MYO3A: variants seen among roughly 807,000 people sequenced by gnomAD.
MYO3A encodes myosin IIIA.
In MYO3A, 180 loss-of-function variants were observed where a neutral mutation model predicts 192.7. The ratio of observed to expected loss-of-function variants is 0.93; its 90% confidence interval spans 0.83 to 1.06. MYO3A has a LOEUF of 1.06. MYO3A is among the 50% of genes least tolerant of loss of function. MYO3A has a pLI of 0.00. For missense variants in MYO3A, 1,896 were observed against 1,905.0 expected, an observed-to-expected ratio of 1.00 and a Z score of 0.09; for synonymous variants, 628 against 645.3, an observed-to-expected ratio of 0.97 and a Z score of 0.41.
At chr10:25,944,377 G>T (rs557038001) in intron 2 of MYO3A, among the ~76,000 whole-genome samples, 1 of 152,082 alleles carries the variant, frequency 6.6e-6, no homozygotes, top group Non-Finnish European at 1.5e-5. Flanking sequence ...TAGTGCCATT[G>T]TCTGGTTTTG....
intron 2 of MYO3A, among the ~76,000 whole-genome samples, chr10:25,941,310 G>T (rs1836470377): frequency 6.6e-6 from 1 of 152,192 alleles, no homozygotes; most frequent in African/African-American, 2.4e-5. Context: ...AACTGATGGA[G>T]ACATCACCAT....
chr10:26,083,533 A>G (rs1180637890), intron 14 of MYO3A, among the ~76,000 whole-genome samples: 2 of 152,132 alleles, frequency 1.3e-5, no homozygotes, highest in Non-Finnish European at 2.9e-5. Flanking sequence ...ACTATGTTGA[A>G]TGGAAGTGAA....
intron 4 of MYO3A, among the ~76,000 whole-genome samples, chr10:25,991,798 G>C (rs10828925): frequency 1.3e-5 from 2 of 151,014 alleles, no homozygotes; most frequent in Non-Finnish European, 3.0e-5. Flanking sequence ...TGTTTTTGTC[G>C]GGTTTGTCAA....
In MYO3A at chr10:26,117,915, C is replaced by T. The variant is rs181781733; in HGVS notation, c.1777-2761C>T. Among the ~76,000 whole-genome samples, 13 of 152,238 alleles carry T rather than the reference C, an allele frequency of 8.5e-5. No homozygotes were observed. In the East Asian group the frequency reaches 1.9e-3, roughly 23 times the overall value. The stretch of plus-strand genomic sequence containing the variant: ...TGTCTTTAGGTCTTTGAGGAATTGC[C>T]GCACTGTCTTCAACAATGGTTGAAC... On this transcript the variant is annotated intron_variant, in intron 17 of 34. Transcript: ENST00000642920.
At chr10:26,056,566 A>C (rs1378943250) in intron 10 of MYO3A, among the ~76,000 whole-genome samples, 1 of 152,200 alleles carries the variant, frequency 6.6e-6, no homozygotes, top group Non-Finnish European at 1.5e-5. Flanking sequence ...TATGTCCCAG[A>C]GACAGTGATG....
rs7476345 is a variant in MYO3A, at chr10:26,087,621, A to G, written c.1360-582A>G. 6.2e-3 allele frequency among the ~76,000 whole-genome samples: 952 copies of G among 152,334 alleles called. 12 individuals are homozygous for G. The highest frequency in any genetic ancestry group is 0.021 in the African/African-American group (889 of 41,584). On this transcript the variant is annotated intron_variant, in intron 14 of 34. Coordinates refer to ENST00000642920, the MANE Select transcript of MYO3A (RefSeq NM_017433.5). ...TGAAGTGGTAAAGAAGAAAAATGGA[A>G]CATACTTCTTTGAGGAGAGGAGCAT...
chr10:26,058,729 A>G (rs1350831993), intron 10 of MYO3A, among the ~76,000 whole-genome samples: 1 of 152,234 alleles, frequency 6.6e-6, no homozygotes, highest in Non-Finnish European at 1.5e-5. Flanking sequence ...CAGTTTGCCA[A>G]TATCCACAAA....
intron 10 of MYO3A, among the ~76,000 whole-genome samples, chr10:26,039,207 A>ATTTTTTTTTTTTTTTTTTTTTTTTT (rs34416918): frequency 1.9e-5 from 2 of 106,856 alleles, no homozygotes; most frequent in African/African-American, 3.9e-5. Context: ...GGCTCGGCTA[A>ATTTTTTTTTTTTTTTTTTTTTTTTT]TTTTTTTTTT....
chr10:26,193,733 A>G (rs991173026), intron 32 of MYO3A, among the ~76,000 whole-genome samples: 1 of 152,236 alleles, frequency 6.6e-6, no homozygotes, highest in African/African-American at 2.4e-5. Flanking sequence ...TTCCAGGCCT[A>G]GAATAAGGCT....
chr10:25,985,500 G>A (rs1016256529), intron 4 of MYO3A, among the ~76,000 whole-genome samples: 5 of 151,988 alleles, frequency 3.3e-5, no homozygotes, highest in East Asian at 1.9e-4. Context: ...AATTGAAAAC[G>A]AAATGGGAGA....
At chr10:26,115,135 G>T (rs535971268) in intron 17 of MYO3A, among the ~76,000 whole-genome samples, 1 of 152,312 alleles carries the variant, frequency 6.6e-6, no homozygotes, top group East Asian at 1.9e-4. Context: ...TTTATTGCTA[G>T]GGGAATAGGG....
chr10:26,072,025 GA>G (rs2131398022), intron 14 of MYO3A, among the ~76,000 whole-genome samples: 2 of 117,190 alleles, frequency 1.7e-5, no homozygotes, highest in South Asian at 5.6e-4. Flanking sequence ...GGCAGAAGGT[GA>G]AGGGCAAGCA....
At chr10:26,207,473 A>G (rs1462678967) in intron 34 of MYO3A, among the ~76,000 whole-genome samples, 1 of 152,220 alleles carries the variant, frequency 6.6e-6, no homozygotes, top group Non-Finnish European at 1.5e-5. Context: ...TGAGATAACA[A>G]TCTAATTTCA....
chr10:25,966,153 C>T (rs72789936), intron 4 of MYO3A, among the ~76,000 whole-genome samples: 6,657 of 152,092 alleles, frequency 0.044, 181 homozygotes, highest in Non-Finnish European at 0.065. Context: ...ATCTTGCCCC[C>T]GCTCCCTGGT....
chr10:26,015,672 G>A (rs767992249), intron 6 of MYO3A, among the ~76,000 whole-genome samples: 2 of 152,098 alleles, frequency 1.3e-5, no homozygotes, highest in Non-Finnish European at 2.9e-5. Context: ...GCATTGCATA[G>A]CACTCAAAAA....
chr10:26,095,824 A>G (rs1395068445), intron 15 of MYO3A, among the ~76,000 whole-genome samples: 2 of 152,244 alleles, frequency 1.3e-5, no homozygotes, highest in African/African-American at 2.4e-5. Flanking sequence ...CAGAAAGACA[A>G]TATTAAAAGG....
At chr10:26,165,895 A>G in intron 26 of MYO3A, 172 bp from the exon 27 acceptor site, 1 of 705,410 alleles carries the variant, frequency 1.4e-6, no homozygotes, top group East Asian at 2.5e-5. Context: ...GGTTTCCATC[A>G]GTTTGGAATT....
At chr10:26,173,055 G>GAAA (rs35552865) in intron 29 of MYO3A, among the ~76,000 whole-genome samples, 23 of 140,194 alleles carry the variant, frequency 1.6e-4, no homozygotes, top group South Asian at 4.6e-4. Flanking sequence ...CCTTTGGCTA[G>GAAA]AAAAAAAAAA....
At chr10:26,010,464 T>G (rs571435858) in intron 6 of MYO3A, among the ~76,000 whole-genome samples, 13 of 143,854 alleles carry the variant, frequency 9.0e-5, no homozygotes, top group East Asian at 3.9e-4. Context: ...TTTTTTTTTT[T>G]TTTTTTTGTT....
Sources: gnomAD v4.1 joint callset for allele counts (sites outside exome capture counted in the v4.1 genomes callset) on GRCh38, gnomAD v4.1.1 for gene constraint, MANE v1.5 for transcripts, NCBI Gene and HGNC (gene_info 2026-07-23, HGNC 2026-07-21) for gene names.